The following SPEF2 variants were observed in gnomAD, a reference collection of about 807,000 sequenced individuals.
SPEF2 encodes the protein sperm flagella and cilia-associated protein 2.
In SPEF2, 187 loss-of-function variants were observed where a neutral mutation model predicts 224.6. That is an observed-to-expected ratio of 0.83 (90% CI 0.74 to 0.94). The LOEUF (loss-of-function observed/expected upper bound fraction) is 0.94. SPEF2 is among the 40% of genes least tolerant of loss of function. The pLI is 0.00. For synonymous variants in SPEF2, 715 were observed against 707.3 expected (o/e 1.01, Z -0.17); for missense variants, 2,170 against 2,135.6 (o/e 1.02, Z -0.32).
rs10043724 is a variant in SPEF2, at chr5:35,787,179, G to A, written c.4448-5161G>A. 3.3e-5 allele frequency among the ~76,000 whole-genome samples: 5 copies of A among 151,644 alleles called. No individual in the cohort carries two copies. The South Asian group carries it at 8.3e-4, about 25-fold the overall frequency. ...ATCAAATATGTCTCAAAAATTAGAC[G>A]TTTGGGGGAAAGAAAAAGATGAGGC... On this transcript the variant is annotated intron_variant, in intron 30 of 36. Coordinates refer to ENST00000356031, the MANE Select transcript of SPEF2 (RefSeq NM_024867.4).
chr5:35,659,988 C>G (rs1477633238), intron 8 of SPEF2, among the ~76,000 whole-genome samples: 1 of 151,928 alleles, frequency 6.6e-6, no homozygotes, highest in Non-Finnish European at 1.5e-5. Context: ...CTGTGGTGCA[C>G]TGTAGTTGAG....
intron 18 of SPEF2, 109 bp downstream of exon 18, chr5:35,705,917 AT>A (rs1198931846): frequency 1.1e-5 from 7 of 648,004 alleles, no homozygotes; most frequent in Non-Finnish European, 1.7e-5. Context: ...TTATCTTTGG[AT>A]TTATACTATC....
At chr5:35,618,087 AG>A (rs779599241) in intron 1 of SPEF2, 32 bp downstream of exon 1, 2 of 1,566,980 alleles carry the variant, frequency 1.3e-6, no homozygotes, top group East Asian at 4.7e-5. Flanking sequence ...CGAGCGTCTG[AG>A]GGGCTAGCGG....
chr5:35,671,606 A>T, intron 10 of SPEF2: 1 of 808,802 alleles, frequency 1.2e-6, no homozygotes, highest in Non-Finnish European at 1.5e-6. Context: ...TTTATTTCTA[A>T]ATTACTTGCT....
intron 9 of SPEF2, among the ~76,000 whole-genome samples, chr5:35,669,036 C>T (rs373911715): frequency 1.1e-4 from 17 of 152,076 alleles, no homozygotes; most frequent in African/African-American, 3.6e-4. Context: ...AAACAGGAAA[C>T]GTTGTTAGGT....
At chr5:35,634,567 C>T (rs545834006) in intron 2 of SPEF2, among the ~76,000 whole-genome samples, 1 of 152,204 alleles carries the variant, frequency 6.6e-6, no homozygotes, top group Admixed American at 6.5e-5. Flanking sequence ...GTTTTGGCCA[C>T]TGTTTCTCCA....
At chr5:35,752,906 T>C (rs1231974593) in intron 23 of SPEF2, among the ~76,000 whole-genome samples, 4 of 150,532 alleles carry the variant, frequency 2.7e-5, no homozygotes, top group Admixed American at 2.0e-4. Flanking sequence ...ATGTGATAAC[T>C]ATTTTTATTA....
Position 35,628,582 on chromosome 5 carries a change from T to TTTG in SPEF2, c.161+35_161+37dup, listed in dbSNP as rs756623452. 6.6e-7 allele frequency: 1 copy of TTTG among 1,517,286 alleles called. No homozygotes were observed. The highest frequency in any genetic ancestry group is 9.1e-7 in the Non-Finnish European group (1 of 1,093,232). 94.0% of individuals were successfully genotyped at this position (1,517,286 alleles called of 1,614,324 possible). Reference sequence around the variant, plus strand: ...CAGCAGGTTAGTGAGATTATTCCTTTTTGTTGTTGTTGTTGTTTATTTGTT... The same window carrying TTTG: ...CAGCAGGTTAGTGAGATTATTCCTTTTTGTTGTTGTTGTTGTTGTTTATTTGTT... On this transcript the variant is annotated intron_variant, in intron 2 of 36. Transcript: ENST00000356031.
At chr5:35,787,918 G>A (rs567127132) in intron 30 of SPEF2, 31 of 611,636 alleles carry the variant, frequency 5.1e-5, no homozygotes, top group Admixed American at 1.7e-4. Flanking sequence ...AGAAAAGGCC[G>A]CAGAAGCTTG....
intron 2 of SPEF2, among the ~76,000 whole-genome samples, chr5:35,639,615 A>T (rs1746309821): frequency 6.6e-6 from 1 of 151,864 alleles, no homozygotes; most frequent in South Asian, 2.1e-4. Context: ...GAATTCCCTG[A>T]TTTTGAATAT....
chr5:35,661,273 T>TAG (rs2149454541), intron 8 of SPEF2, among the ~76,000 whole-genome samples: 1 of 31,372 alleles, frequency 3.2e-5, no homozygotes, highest in African/African-American at 1.5e-4. Context: ...TATATATATA[T>TAG]ATATATATAT....
At chr5:35,768,213 A>G (rs978026514) in intron 26 of SPEF2, among the ~76,000 whole-genome samples, 1 of 152,140 alleles carries the variant, frequency 6.6e-6, no homozygotes, top group Non-Finnish European at 1.5e-5. Flanking sequence ...GATGATGCTG[A>G]TGTCAATATT....
chr5:35,709,231 A>G (rs2149591277), intron 19 of SPEF2, 110 bp downstream of exon 19: 1 of 1,527,190 alleles, frequency 6.5e-7, no homozygotes, highest in Non-Finnish European at 8.7e-7. Context: ...CTTCAATCAT[A>G]TGAAACAAGG....
At chr5:35,630,952 A>G (rs1462742343) in intron 2 of SPEF2, among the ~76,000 whole-genome samples, 1 of 152,238 alleles carries the variant, frequency 6.6e-6, no homozygotes, top group Non-Finnish European at 1.5e-5. Flanking sequence ...CTGAATGGAC[A>G]TTTCACCAAA....
chr5:35,630,632 C>T (rs1332114033), intron 2 of SPEF2, among the ~76,000 whole-genome samples: 1 of 152,022 alleles, frequency 6.6e-6, no homozygotes, highest in Non-Finnish European at 1.5e-5. Flanking sequence ...GGAGGCGGAG[C>T]TTGCAGTGAG....
At chr5:35,777,335 CA>C (rs1753738632) in intron 29 of SPEF2, among the ~76,000 whole-genome samples, 1 of 152,046 alleles carries the variant, frequency 6.6e-6, no homozygotes, top group Non-Finnish European at 1.5e-5. Context: ...AAACATTAAA[CA>C]GAATAAAAAA....
At chr5:35,803,736 C>G (rs778590210) in intron 34 of SPEF2, among the ~76,000 whole-genome samples, 45 of 152,240 alleles carry the variant, frequency 3.0e-4, no homozygotes, top group Non-Finnish European at 5.6e-4. Flanking sequence ...AATAACACCT[C>G]TAGCAGATTC....
At chr5:35,766,069 T>C (rs1752047975) in intron 26 of SPEF2, among the ~76,000 whole-genome samples, 1 of 152,118 alleles carries the variant, frequency 6.6e-6, no homozygotes, top group Admixed American at 6.6e-5. Context: ...AATGAGATAA[T>C]GAAAGTGAGT....
intron 21 of SPEF2, among the ~76,000 whole-genome samples, chr5:35,738,153 C>A (rs543465072): frequency 2.0e-5 from 3 of 152,074 alleles, no homozygotes; most frequent in Admixed American, 2.0e-4. Context: ...ATTTTCTCCC[C>A]TTCTGTAGGT....
Sources: gnomAD v4.1 joint callset for allele counts (sites outside exome capture counted in the v4.1 genomes callset) on GRCh38, gnomAD v4.1.1 for gene constraint, MANE v1.5 for transcripts, NCBI Gene and HGNC (gene_info 2026-07-23, HGNC 2026-07-21) for gene names.